Variants in RASGRP1 observed in about 807,000 individuals in gnomAD.
RASGRP1 encodes RAS guanyl-releasing protein 1.
In RASGRP1, 37 loss-of-function variants were observed where a neutral mutation model predicts 95.1. The ratio of observed to expected loss-of-function variants is 0.39; its 90% confidence interval spans 0.30 to 0.51. The LOEUF is 0.51. Ranked by LOEUF, RASGRP1 falls within the 20% of genes least tolerant of loss-of-function variation. The pLI, the probability that RASGRP1 is intolerant of heterozygous loss-of-function variation, is 0.80. For missense variants in RASGRP1, 711 were observed against 965.4 expected (o/e 0.74, Z 3.49); for synonymous variants, 325 against 353.4 (o/e 0.92, Z 0.90).
chr15:38,559,909 G>A lies in RASGRP1; in HGVS notation c.132C>T (p.Ile44=). Residue 44 remains isoleucine (I), a synonymous_variant, in exon 2 of 17, where the codon ATC becomes ATT. Coordinates refer to ENST00000310803, the MANE Select transcript of RASGRP1 (RefSeq NM_005739.4). ...PFPSHPSLAH[I]TQFRMMVSLG... is the part of the protein sequence containing the mutation. ...GAGACACCATCATTCGGAACTGGGT[G>A]ATGTGGGCCAAGCTGGGATGGGAGG... The A allele has an allele frequency of 6.2e-7, 1 of 1,613,742 alleles. No individual in the cohort carries two copies. Among genetic ancestry groups the A allele is most frequent in the African/African-American group, 1.3e-5 (1 of 75,042 alleles).
chr15:38,554,092 A>G (rs1416470298), intron 2 of RASGRP1, among the ~76,000 whole-genome samples: 2 of 152,150 alleles, frequency 1.3e-5, no homozygotes, highest in African/African-American at 4.8e-5. Flanking sequence ...AGGAATTTGA[A>G]TGTTCAACAC....
chr15:38,554,687 T>C (rs188181422), intron 2 of RASGRP1, among the ~76,000 whole-genome samples: 2 of 152,284 alleles, frequency 1.3e-5, no homozygotes, highest in East Asian at 1.9e-4. Context: ...TTGGAATAAA[T>C]AGTGTCCAGT....
intron 16 of RASGRP1, among the ~76,000 whole-genome samples, chr15:38,493,238 C>T (rs1257823247): frequency 7.5e-6 from 1 of 132,650 alleles, no homozygotes; most frequent in Non-Finnish European, 1.6e-5. Flanking sequence ...AGTGCCGTGG[C>T]TTGGTCTCAG....
intron 13 of RASGRP1, 90 bp downstream of exon 13, chr15:38,501,053 G>C: frequency 7.1e-7 from 1 of 1,410,556 alleles, no homozygotes; most frequent in Non-Finnish European, 9.5e-7. Context: ...GCTGGGATGG[G>C]TTCATAAGGA....
intron 15 of RASGRP1, 107 bp downstream of exon 15, chr15:38,498,687 G>A (rs760520696): frequency 1.3e-4 from 186 of 1,383,568 alleles, no homozygotes; most frequent in Non-Finnish European, 1.4e-4. Context: ...TAGCTGTTGA[G>A]GTTACATTTA....
intron 11 of RASGRP1, 30 bp from the exon 12 acceptor site, chr15:38,502,451 C>G (rs2141092611): frequency 7.2e-7 from 1 of 1,394,534 alleles, no homozygotes. Flanking sequence ...TTGGTGATTA[C>G]TAAAGAGAAA....
rs369558190 is a variant in RASGRP1, at chr15:38,524,896, A to AGG, written c.326+1401_326+1402dup. The stretch of plus-strand genomic sequence containing the variant: ...AAGTACGAGGGACCATGGGAAAGGG[A>AGG]GGGGGGGTCTGCCCCAATATGTAGG... On this transcript the variant is annotated intron_variant, in intron 3 of 16. Coordinates refer to ENST00000310803, the MANE Select transcript of RASGRP1 (RefSeq NM_005739.4). Among the ~76,000 whole-genome samples the AGG allele has an allele frequency of 2.6e-5, 4 of 151,304 alleles. No homozygotes were observed. The East Asian group carries it at 7.8e-4, about 29-fold the overall frequency.
chr15:38,562,863 G>A (rs1023881928), intron 1 of RASGRP1, among the ~76,000 whole-genome samples: 2 of 152,188 alleles, frequency 1.3e-5, no homozygotes, highest in Admixed American at 1.3e-4. Context: ...AAGAGAAACC[G>A]CTTTGTTTCA....
chr15:38,516,451 C>T (rs1470435195), intron 5 of RASGRP1, 101 bp from the exon 6 acceptor site: 1 of 1,386,178 alleles, frequency 7.2e-7, no homozygotes, highest in Non-Finnish European at 1.0e-6. Context: ...TACAAAACAC[C>T]ATTAGCTAAC....
intron 2 of RASGRP1, among the ~76,000 whole-genome samples, chr15:38,539,085 G>A (rs989203701): frequency 1.3e-5 from 2 of 152,172 alleles, no homozygotes; most frequent in African/African-American, 2.4e-5. Flanking sequence ...AGAGAGTAAG[G>A]TGGTATGACT....
Position 38,500,662 on chromosome 15 carries a change from T to C in RASGRP1, c.1683+481A>G, listed in dbSNP as rs1453613430. On this transcript the variant is annotated intron_variant, in intron 13 of 16. Coordinates refer to ENST00000310803, the MANE Select transcript of RASGRP1 (RefSeq NM_005739.4). ...CACCTGGCTCTCACTAGCAGCCTTA[T>C]GACCCAGACATTCTCGAGAAATGGA... is the stretch of plus-strand genomic sequence containing the variant. Among the ~76,000 whole-genome samples the C allele has an allele frequency of 5.3e-5, 8 of 152,290 alleles. No individual in the cohort carries two copies. The East Asian group carries it at 1.5e-3, about 29-fold the overall frequency.
chr15:38,495,119 T>C (rs1017442174), intron 15 of RASGRP1, among the ~76,000 whole-genome samples: 2 of 152,214 alleles, frequency 1.3e-5, no homozygotes, highest in South Asian at 4.1e-4. Flanking sequence ...AAATGCTCCA[T>C]AAATACTTTT....
chr15:38,535,714 A>G (rs1013017594), intron 2 of RASGRP1, among the ~76,000 whole-genome samples: 2 of 152,226 alleles, frequency 1.3e-5, no homozygotes, highest in African/African-American at 4.8e-5. Flanking sequence ...AGAATGACCT[A>G]GATTTTTTGG....
intron 5 of RASGRP1, among the ~76,000 whole-genome samples, chr15:38,517,935 T>TGGCCTATGAGTGACTA (rs1891853246): frequency 3.9e-5 from 6 of 152,222 alleles, no homozygotes; most frequent in African/African-American, 1.4e-4. Flanking sequence ...ATTTACAAGT[T>TGGCCTATGAGTGACTA]CAGGTGTGCC....
At chr15:38,556,146 C>G (rs888909828) in intron 2 of RASGRP1, among the ~76,000 whole-genome samples, 7 of 152,170 alleles carry the variant, frequency 4.6e-5, no homozygotes, top group Non-Finnish European at 8.8e-5. Context: ...CCTTATTATG[C>G]TCAGCTGAAG....
intron 5 of RASGRP1, among the ~76,000 whole-genome samples, chr15:38,517,062 G>C (rs1037654418): frequency 9.2e-5 from 14 of 152,220 alleles, no homozygotes; most frequent in African/African-American, 3.1e-4. Context: ...CTTCCAAACT[G>C]GTATTCCTGG....
chr15:38,496,842 T>C (rs1398240255), intron 15 of RASGRP1, among the ~76,000 whole-genome samples: 1 of 152,204 alleles, frequency 6.6e-6, no homozygotes, highest in East Asian at 1.9e-4. Flanking sequence ...TTTGATCTAA[T>C]TGATCAATAA....
chr15:38,554,910 C>T (rs1893493358), intron 2 of RASGRP1, among the ~76,000 whole-genome samples: 1 of 152,218 alleles, frequency 6.6e-6, no homozygotes, highest in Non-Finnish European at 1.5e-5. Context: ...GTGGCTAAGG[C>T]TTCGGCCCCT....
intron 2 of RASGRP1, among the ~76,000 whole-genome samples, chr15:38,542,260 T>A (rs1482646243): frequency 6.6e-6 from 1 of 152,142 alleles, no homozygotes; most frequent in African/African-American, 2.4e-5. Flanking sequence ...CTGACTGAAG[T>A]GGTGTTTACA....
Sources: allele counts gnomAD v4.1 joint callset (sites outside exome capture counted in the v4.1 genomes callset), GRCh38; gene constraint gnomAD v4.1.1; transcripts MANE v1.5; gene names NCBI Gene and HGNC (gene_info 2026-07-23, HGNC 2026-07-21).